The following LDLRAD3 variants were observed in gnomAD, a reference collection of about 807,000 sequenced individuals.
The protein encoded by LDLRAD3 is low-density lipoprotein receptor class A domain-containing protein 3.
Under a neutral mutation model 29.4 loss-of-function variants are expected in LDLRAD3, and 20 were observed. The ratio of observed to expected loss-of-function variants is 0.68; its 90% confidence interval spans 0.48 to 0.99. The LOEUF (loss-of-function observed/expected upper bound fraction) is 0.99. Ranked by LOEUF, LDLRAD3 falls within the 50% of genes least tolerant of loss-of-function variation. LDLRAD3 has a pLI of 0.00. For missense variants in LDLRAD3, 420 were observed against 454.3 expected (o/e 0.92, Z 0.69); for synonymous variants, 157 against 192.7 (o/e 0.81, Z 1.53).
chr11:36,168,495 C>G (rs890233684), intron 4 of LDLRAD3, among the ~76,000 whole-genome samples: 1 of 77,974 alleles, frequency 1.3e-5, no homozygotes, highest in African/African-American at 4.0e-5. Context: ...TTTTTTCTTT[C>G]TTCTTTTTTT....
chr11:35,949,397 C>T (rs557409599), intron 1 of LDLRAD3, among the ~76,000 whole-genome samples: 101 of 152,258 alleles, frequency 6.6e-4, no homozygotes, highest in African/African-American at 2.3e-3. Context: ...TGCCAGATTG[C>T]CTTGGAAGTC....
At chr11:36,066,873 A>G (rs1468465102) in intron 2 of LDLRAD3, among the ~76,000 whole-genome samples, 2 of 152,180 alleles carry the variant, frequency 1.3e-5, no homozygotes, top group Non-Finnish European at 2.9e-5. Flanking sequence ...TTCAGAAAAA[A>G]CAAATCTGAC....
intron 1 of LDLRAD3, among the ~76,000 whole-genome samples, chr11:36,006,174 GC>G (rs1851882751): frequency 6.6e-6 from 1 of 152,188 alleles, no homozygotes; most frequent in South Asian, 2.1e-4. Context: ...TCTAGCCCCA[GC>G]AGTTTGATTC....
intron 4 of LDLRAD3, among the ~76,000 whole-genome samples, chr11:36,171,620 T>A (rs1426861184): frequency 6.6e-6 from 1 of 152,242 alleles, no homozygotes; most frequent in African/African-American, 2.4e-5. Flanking sequence ...TTGTCAAAGG[T>A]CAGTTGACTG....
chr11:36,065,771 T>C (rs1852781256), intron 2 of LDLRAD3, among the ~76,000 whole-genome samples: 1 of 152,184 alleles, frequency 6.6e-6, no homozygotes, highest in South Asian at 2.1e-4. Flanking sequence ...ATCTTCACAT[T>C]GTAGGCCTTT....
At position 35,944,881 on chromosome 11, in the gene LDLRAD3, G is replaced by T. The variant is rs1243617288; in HGVS notation, c.46+737G>T. 6.6e-6 allele frequency among the ~76,000 whole-genome samples: 1 copy of T among 152,238 alleles called. No homozygotes were observed. The highest frequency in any genetic ancestry group is 1.5e-5 in the Non-Finnish European group (1 of 68,040). ...CCTTTGAACCTGGCATCACCACCGC[G>T]TGTGCATCCCGGGGCCTGGACCGCA... On this transcript the variant is annotated intron_variant, in intron 1 of 5. Coordinates refer to ENST00000315571, the MANE Select transcript of LDLRAD3 (RefSeq NM_174902.4). The surrounding 1 kb of genome is among the most constrained non-coding windows in gnomAD (Gnocchi z 4.9).
At chr11:36,086,977 A>G (rs1853205965) in intron 3 of LDLRAD3, among the ~76,000 whole-genome samples, 1 of 152,200 alleles carries the variant, frequency 6.6e-6, no homozygotes, top group African/African-American at 2.4e-5. Flanking sequence ...TTCTGCCAAA[A>G]TCATCCCACC....
At chr11:36,203,534 C>A (rs1393056689) in intron 4 of LDLRAD3, among the ~76,000 whole-genome samples, 1 of 148,576 alleles carries the variant, frequency 6.7e-6, no homozygotes, top group Non-Finnish European at 1.5e-5. Flanking sequence ...GGTAGGAAAA[C>A]CTGGCCCAAC....
intron 4 of LDLRAD3, among the ~76,000 whole-genome samples, chr11:36,105,238 T>TGTGTGTGTGTGAGAGAGA (rs1343780985): frequency 1.6e-5 from 2 of 128,428 alleles, no homozygotes; most frequent in East Asian, 5.0e-4. Flanking sequence ...TGTGTGTGTG[T>TGTGTGTGTGTGAGAGAGA]GAGAGAGAGA....
chr11:36,155,031 G>C (rs1185197876), intron 4 of LDLRAD3, among the ~76,000 whole-genome samples: 1 of 152,092 alleles, frequency 6.6e-6, no homozygotes, highest in African/African-American at 2.4e-5. Context: ...TTTGAATTCT[G>C]CTGGGAAGAG....
intron 1 of LDLRAD3, among the ~76,000 whole-genome samples, chr11:36,017,473 T>A (rs1053454558): frequency 3.3e-5 from 5 of 152,136 alleles, no homozygotes; most frequent in African/African-American, 1.2e-4. Context: ...CACCTCTTGG[T>A]AGCCATTGCT....
intron 4 of LDLRAD3, among the ~76,000 whole-genome samples, chr11:36,159,028 G>T (rs1854395751): frequency 1.3e-5 from 2 of 152,118 alleles, no homozygotes; most frequent in Non-Finnish European, 2.9e-5. Context: ...TTTTCTAATT[G>T]TAATTTTGTA....
intron 4 of LDLRAD3, among the ~76,000 whole-genome samples, chr11:36,195,389 G>C (rs1172429409): frequency 1.3e-5 from 2 of 152,170 alleles, no homozygotes; most frequent in Non-Finnish European, 2.9e-5. Flanking sequence ...CACCATTCTA[G>C]TTACACCTAA....
chr11:36,079,552 G>A (rs1307074828), intron 2 of LDLRAD3, among the ~76,000 whole-genome samples: 2 of 152,168 alleles, frequency 1.3e-5, no homozygotes, highest in East Asian at 3.9e-4. Flanking sequence ...AACTGGTTGG[G>A]GCTGATGTTG....
At chr11:36,149,899 C>T (rs1854252701) in intron 4 of LDLRAD3, among the ~76,000 whole-genome samples, 2 of 152,112 alleles carry the variant, frequency 1.3e-5, no homozygotes. Flanking sequence ...TGACTCATGA[C>T]TCATGAATGT....
chr11:36,222,926 G>A (rs1464518311), intron 4 of LDLRAD3, among the ~76,000 whole-genome samples: 4 of 152,100 alleles, frequency 2.6e-5, no homozygotes, highest in African/African-American at 7.2e-5. Flanking sequence ...CAGTCGAAGC[G>A]GCACGTACAG....
intron 4 of LDLRAD3, among the ~76,000 whole-genome samples, chr11:36,198,912 T>A (rs1360476665): frequency 9.9e-5 from 15 of 152,188 alleles, no homozygotes. Flanking sequence ...TGTTTTGTTT[T>A]TTTTTGGAGA....
intron 4 of LDLRAD3, among the ~76,000 whole-genome samples, chr11:36,146,773 C>T (rs368102816): frequency 2.1e-5 from 3 of 143,828 alleles, no homozygotes; most frequent in East Asian, 2.0e-4. Flanking sequence ...TTTCCCTCTA[C>T]TTTATTTTAT....
intron 1 of LDLRAD3, among the ~76,000 whole-genome samples, chr11:36,014,924 G>A (rs1852002053): frequency 6.6e-6 from 1 of 152,218 alleles, no homozygotes; most frequent in Non-Finnish European, 1.5e-5. Flanking sequence ...GACGAACCAT[G>A]TGGAAAAGTT....
Sources: allele counts gnomAD v4.1 joint callset (sites outside exome capture counted in the v4.1 genomes callset), GRCh38; gene constraint gnomAD v4.1.1; non-coding constraint Gnocchi (gnomAD v3.1); transcripts MANE v1.5; gene names NCBI Gene and HGNC (gene_info 2026-07-23, HGNC 2026-07-21).